Variants in LSMEM2 observed in about 807,000 individuals in gnomAD.
The protein encoded by LSMEM2 is leucine rich single-pass membrane protein 2.
In LSMEM2, 20 loss-of-function variants were observed where a neutral mutation model predicts 17.3. That is an observed-to-expected ratio of 1.16 (90% CI 0.81 to 1.68). LSMEM2 has a LOEUF of 1.68. Ranked by LOEUF, LSMEM2 falls within the 40% of genes most tolerant of loss-of-function variation. LSMEM2 has a pLI of 0.00. For synonymous variants in LSMEM2, 94 were observed against 97.8 expected, an observed-to-expected ratio of 0.96 and a Z score of 0.23; for missense variants, 207 against 214.3, an observed-to-expected ratio of 0.97 and a Z score of 0.21.
chr3:50,286,996 CT>C, intron 3 of LSMEM2, 72 bp from the exon 4 acceptor site: 2 of 1,599,680 alleles, frequency 1.3e-6, no homozygotes, highest in Admixed American at 1.7e-5. Flanking sequence ...GTGGCTGCCC[CT>C]GGTCCTGGGC....
At chr3:50,279,276 T>C (rs1553707494) in intron 1 of LSMEM2, 105 bp downstream of exon 1, 1 of 1,048,342 alleles carries the variant, frequency 9.5e-7, no homozygotes, top group Non-Finnish European at 1.5e-6. Flanking sequence ...TCTTGAGTAG[T>C]TAGTTACCCA....
chr3:50,280,984 G>A (rs1553707688), intron 1 of LSMEM2, among the ~76,000 whole-genome samples: 1 of 151,984 alleles, frequency 6.6e-6, no homozygotes, highest in African/African-American at 2.4e-5. Flanking sequence ...TTTACTGTGT[G>A]TTTTTCCTGT....
In LSMEM2 at chr3:50,287,643, T is replaced by G. The variant is rs1701580850; in HGVS notation, c.*441T>G. 1 of 234,838 alleles carries G rather than the reference T, an allele frequency of 4.3e-6. No homozygotes were observed. Among genetic ancestry groups the G allele is most frequent in the Non-Finnish European group, 8.5e-6 (1 of 118,094 alleles). The allele number at this position is 234,838 out of a possible 1,614,324, so 14.5% of individuals were successfully genotyped here. A position where few individuals can be genotyped will look rare whatever the true frequency, so the allele number is the denominator to read the frequency against. ...GAGGCACCACCTGGGGAAGACTGCC[T>G]TGGAGGGCAAAGGTGACATCGTGGA... On this transcript the variant is annotated 3_prime_UTR_variant, in exon 4 of 4. Transcript: ENST00000316436.
chr3:50,279,796 G>A (rs1701351625), intron 1 of LSMEM2, among the ~76,000 whole-genome samples: 1 of 152,140 alleles, frequency 6.6e-6, no homozygotes, highest in African/African-American at 2.4e-5. Flanking sequence ...CCAGGACGTA[G>A]GACTGTCTGC....
rs587621997 is a variant in LSMEM2 at position 50,280,686 on chromosome 3, C to T, written c.58+1515C>T. Among the ~76,000 whole-genome samples, 26 of 151,570 alleles carry T rather than the reference C, an allele frequency of 1.7e-4. No individual in the cohort carries two copies. In the East Asian group the frequency reaches 4.3e-3, roughly 25 times the overall value. ...TCAGCTCACTGCAAGCTCCGCCTTCCGGGTTCACGCCATTCTCCTGCCTCA... is the reference window on the plus strand; with the variant it reads ...TCAGCTCACTGCAAGCTCCGCCTTCTGGGTTCACGCCATTCTCCTGCCTCA... On this transcript the variant is annotated intron_variant, in intron 1 of 3. Coordinates refer to ENST00000316436, the MANE Select transcript of LSMEM2 (RefSeq NM_153215.3).
At chr3:50,278,372 G>A (rs1328023156), upstream of LSMEM2, among the ~76,000 whole-genome samples, 1 of 152,220 alleles carries the variant, frequency 6.6e-6, no homozygotes, top group Non-Finnish European at 1.5e-5. Flanking sequence ...TGGGAGCAGG[G>A]GAAGACCAAA....
At chr3:50,285,188 T>A (rs190135257) in intron 1 of LSMEM2, among the ~76,000 whole-genome samples, 1 of 151,266 alleles carries the variant, frequency 6.6e-6, no homozygotes, top group Non-Finnish European at 1.5e-5. Context: ...AAAAAGTAGC[T>A]GGGTGTGGTG....
intron 1 of LSMEM2, among the ~76,000 whole-genome samples, chr3:50,284,583 A>T (rs1217667746): frequency 6.6e-6 from 1 of 152,040 alleles, no homozygotes; most frequent in East Asian, 1.9e-4. Flanking sequence ...TACAAAAAAA[A>T]TTAACTGGGC....
At chr3:50,279,060 C>T (rs1286932278), upstream of LSMEM2, 2 of 1,594,736 alleles carry the variant, frequency 1.3e-6, no homozygotes, top group Non-Finnish European at 1.7e-6. Context: ...GCAGCCAGGC[C>T]TTCCCTGGGC....
upstream of LSMEM2, among the ~76,000 whole-genome samples, chr3:50,278,503 T>C (rs1701323137): frequency 6.6e-6 from 1 of 152,186 alleles, no homozygotes. Flanking sequence ...ACCCTTTACC[T>C]AAGGTTGCAA....
intron 1 of LSMEM2, among the ~76,000 whole-genome samples, chr3:50,280,190 T>TTTTTTTTG (rs1553707587): frequency 6.7e-6 from 1 of 148,388 alleles, no homozygotes; most frequent in African/African-American, 2.5e-5. Flanking sequence ...TTTTTTTTTT[T>TTTTTTTTG]GTCACCCAGG....
At position 50,286,545 on chromosome 3, in the gene LSMEM2, C is replaced by T. The variant is rs1553708496; in HGVS notation, c.133C>T (p.Leu45=). 2 of 1,612,568 alleles carry T rather than the reference C, an allele frequency of 1.2e-6. No individual in the cohort carries two copies. Among genetic ancestry groups the T allele is most frequent in the African/African-American group, 1.3e-5 (1 of 75,044 alleles). The change falls in exon 2 of 4, where the codon CTG becomes TTG. Residue 45 remains leucine, a synonymous_variant. Transcript: ENST00000316436. ...LAPNHVHEVC[L]HQVESISDLH... Reference sequence around the variant, plus strand: ...CCCCAACCACGTGCATGAGGTATGCCTGCACCAGGTGGAGTCCATCAGCGA... The same window carrying T: ...CCCCAACCACGTGCATGAGGTATGCTTGCACCAGGTGGAGTCCATCAGCGA...
intron 1 of LSMEM2, among the ~76,000 whole-genome samples, chr3:50,283,722 C>T (rs2109265145): frequency 6.6e-6 from 1 of 152,228 alleles, no homozygotes; most frequent in South Asian, 2.1e-4. Flanking sequence ...ACCCTTGAAC[C>T]CGGGAGGCGG....
rs1553708627 is a variant in LSMEM2 at position 50,286,913 on chromosome 3, TG to T, written c.361+54del. On this transcript the variant is annotated intron_variant, in intron 3 of 3. Transcript: ENST00000316436. ...GAATGGAAAGCAAGGCAGTGGGGAC[TG>T]GGAGGCCCTTCTGTGCAGCTGGAAG... 8.7e-6 allele frequency: 14 copies of T among 1,601,434 alleles called. No homozygotes were observed. The Admixed American group carries it at 1.0e-4, about 12-fold the overall frequency.
chr3:50,286,854 A>G lies in LSMEM2; in HGVS notation c.353A>G (p.Tyr118Cys). Residue 118 changes from tyrosine (Y) to cysteine (C), a missense_variant, in exon 3 of 4, where the codon TAC (tyrosine) becomes TGC (cysteine). Physicochemically the swap from Tyr to Cys is radical, Grantham distance 194 (BLOSUM62 -2). Transcript: ENST00000316436. ...CTAGTGCTCGCACTCCTGGCTGTCT[A>G]CCTGAGCGGTATGGACGCATAGGGT... ...TCLVLALLAV[Y>C]LSVLQSESLR... 3.1e-6 allele frequency: 5 copies of G among 1,613,674 alleles called. No homozygotes were observed. The highest frequency in any genetic ancestry group is 1.3e-5 in the African/African-American group (1 of 75,052).
chr3:50,278,978 G>A (rs1553707438), upstream of LSMEM2: 8 of 894,878 alleles, frequency 8.9e-6, no homozygotes, highest in Non-Finnish European at 1.2e-5. Flanking sequence ...CCCTTCCCAT[G>A]GCTGAGGGCT....
At chr3:50,286,925 C>T in intron 3 of LSMEM2, 63 bp downstream of exon 3, 1 of 1,594,170 alleles carries the variant, frequency 6.3e-7, no homozygotes. Flanking sequence ...GGAGGCCCTT[C>T]TGTGCAGCTG....
Position 50,288,099 on chromosome 3 carries a change from GA to G in LSMEM2, c.*898del. 8.6e-7 allele frequency: 1 copy of G among 1,166,524 alleles called. No individual in the cohort carries two copies. Among genetic ancestry groups the G allele is most frequent in the Non-Finnish European group, 1.2e-6 (1 of 800,240 alleles). 72.3% of individuals were successfully genotyped at this position (1,166,524 alleles called of 1,614,324 possible). On this transcript the variant is annotated 3_prime_UTR_variant, in exon 4 of 4. Coordinates refer to ENST00000316436, the MANE Select transcript of LSMEM2 (RefSeq NM_153215.3). ...GTTTTGTCATTAAAAAAAATAAAGT[GA>G]CAAATACTGGTGGAGACCAGTTGTT...
rs782462575 is a variant in LSMEM2, at chr3:50,287,251, A to T, written c.*49A>T. The T allele has an allele frequency of 2.5e-6, 4 of 1,608,238 alleles. No homozygotes were observed. In the Admixed American group the frequency reaches 5.0e-5, roughly 20 times the overall value. On this transcript the variant is annotated 3_prime_UTR_variant, in exon 4 of 4. Transcript: ENST00000316436. ...GGGGGTGTGTGTTGGTGGGGGAATA[A>T]AGTGGCTATGGGCAGGTCTCTCCTT...
Sources: gnomAD v4.1 joint callset for allele counts (sites outside exome capture counted in the v4.1 genomes callset) on GRCh38, gnomAD v4.1.1 for gene constraint, MANE v1.5 for transcripts, NCBI Gene and HGNC (gene_info 2026-07-23, HGNC 2026-07-21) for gene names.